Variants in GIP observed in about 807,000 individuals in gnomAD.
GIP encodes gastric inhibitory polypeptide, also known as glucose-dependent insulinotropic polypeptide.
Under a neutral mutation model 18.1 loss-of-function variants are expected in GIP, and 16 were observed. The ratio of observed to expected loss-of-function variants is 0.88; its 90% confidence interval spans 0.60 to 1.34. The LOEUF is 1.34. Among genes scored for constraint, GIP ranks in the 40% most tolerant of loss-of-function variants. The probability of loss-of-function intolerance (pLI) is 0.00; values close to 1 mark genes in which losing one functional copy is unlikely to be tolerated. For synonymous variants in GIP, 76 were observed against 74.0 expected, an observed-to-expected ratio of 1.03 and a Z score of -0.14; for missense variants, 192 against 183.4, an observed-to-expected ratio of 1.05 and a Z score of -0.27.
intron 4 of GIP, 96 bp downstream of exon 4, chr17:48,961,631 G>A: frequency 4.0e-6 from 3 of 746,024 alleles, no homozygotes; most frequent in Non-Finnish European, 4.6e-6. Flanking sequence ...CTTATCTCAG[G>A]TCCTTGCTCT....
intron 4 of GIP, 29 bp downstream of exon 4, chr17:48,961,698 C>G: frequency 4.0e-4 from 542 of 1,367,804 alleles, no homozygotes; most frequent in Non-Finnish European, 5.0e-4. Context: ...AGGCTTGGCT[C>G]CCTCCCTTCC....
chr17:48,961,782 G>T lies in GIP; in HGVS notation c.295C>A (p.Leu99Met), dbSNP rs759345602. The change falls in exon 4 of 6, where the codon CTG becomes ATG. Residue 99 changes from leucine to methionine, a missense_variant. By Grantham distance (15) the Leu-to-Met change is conservative. Transcript: ENST00000357424. ...HNITQREARA[L>M]ELASQANRKE... is the part of the protein sequence containing the mutation. ...CTATTAGCTTGACTGGCCAGCTCCAGCGCCCGAGCCTCCCTCTGGGTGATG... is the reference window on the plus strand; with the variant it reads ...CTATTAGCTTGACTGGCCAGCTCCATCGCCCGAGCCTCCCTCTGGGTGATG... The T allele has an allele frequency of 6.2e-7, 1 of 1,613,072 alleles. No individual in the cohort carries two copies. The highest frequency in any genetic ancestry group is 1.1e-5 in the South Asian group (1 of 91,056).
At chr17:48,966,582 G>T (rs1328883896) in intron 2 of GIP, among the ~76,000 whole-genome samples, 1 of 150,338 alleles carries the variant, frequency 6.7e-6, no homozygotes, top group East Asian at 2.0e-4. Flanking sequence ...AAAAAGAAAA[G>T]AATAGAAAAA....
At chr17:48,966,322 A>G (rs1231491235) in intron 2 of GIP, among the ~76,000 whole-genome samples, 1 of 150,850 alleles carries the variant, frequency 6.6e-6, no homozygotes, top group African/African-American at 2.4e-5. Context: ...TTGGGAGGCC[A>G]AGGTGGATGG....
chr17:48,963,311 G>A (rs931014571), intron 3 of GIP, among the ~76,000 whole-genome samples: 7 of 151,744 alleles, frequency 4.6e-5, no homozygotes, highest in African/African-American at 1.7e-4. Flanking sequence ...GATCACCTGA[G>A]GTCAGGAGTT....
At chr17:48,966,696 G>C (rs1057370102) in intron 2 of GIP, among the ~76,000 whole-genome samples, 14 of 151,936 alleles carry the variant, frequency 9.2e-5, no homozygotes, top group African/African-American at 3.4e-4. Context: ...GGTCCTAGCT[G>C]CTCGGGAGGC....
In GIP at chr17:48,964,340, C is replaced by T; in HGVS notation, c.227G>A (p.Trp76Ter). 1.2e-6 allele frequency: 2 copies of T among 1,613,864 alleles called. No individual in the cohort carries two copies. The highest frequency in any genetic ancestry group is 1.7e-6 in the Non-Finnish European group (2 of 1,179,852). ...CTTCTTCCCCTTTTGGGCCAGCAGC[C>T]AGTTCACAAAGTCTTGTTGGTGAAT... ...DKIHQQDFVN[W>*]LLAQKGKKND... Residue 76 changes from tryptophan (W) to a stop codon, truncating the protein, a stop_gained, in exon 3 of 6, where the codon TGG becomes TAG. Coordinates refer to ENST00000357424, the MANE Select transcript of GIP (RefSeq NM_004123.3). LOFTEE classifies it high-confidence loss of function.
intron 2 of GIP, 21 bp downstream of exon 2, chr17:48,967,126 C>T: frequency 6.4e-7 from 1 of 1,567,852 alleles, no homozygotes; most frequent in Non-Finnish European, 8.8e-7. Context: ...TGCCCCATCC[C>T]TTTCCTCTCA....
chr17:48,963,099 A>G (rs1973405), intron 3 of GIP, among the ~76,000 whole-genome samples: 149,316 of 151,864 alleles, frequency 0.98, 73,466 homozygotes, highest in East Asian at 1. Flanking sequence ...AGAGCAAAAA[A>G]AATCCGTCTC....
rs1314682359 is a variant in GIP, at chr17:48,958,631, T to A, written c.*76A>T. 8.2e-7 allele frequency: 1 copy of A among 1,218,184 alleles called. No homozygotes were observed. The highest frequency in any genetic ancestry group is 1.5e-5 in the African/African-American group (1 of 66,334). The allele number at this position is 1,218,184 out of a possible 1,614,324, so 75.5% of individuals were successfully genotyped here. A position where few individuals can be genotyped will look rare whatever the true frequency, so the allele number is the denominator to read the frequency against. On this transcript the variant is annotated 3_prime_UTR_variant, in exon 6 of 6. Coordinates refer to ENST00000357424, the MANE Select transcript of GIP (RefSeq NM_004123.3). ...TAAACTTTATTGGTTTGGGTTCTCT[T>A]GGCTATTCTGGAGTGGGGCTGAGGC...
intron 5 of GIP, among the ~76,000 whole-genome samples, chr17:48,960,472 G>A (rs1303415301): frequency 6.9e-6 from 1 of 144,806 alleles, no homozygotes; most frequent in Non-Finnish European, 1.5e-5. Flanking sequence ...GGCTCAGCTC[G>A]GTGGGTAGGG....
At chr17:48,964,571 G>T in intron 2 of GIP, 91 bp from the exon 3 acceptor site, 1 of 1,143,568 alleles carries the variant, frequency 8.7e-7, no homozygotes, top group Non-Finnish European at 1.3e-6. Flanking sequence ...GCAGACACTT[G>T]AAAACAAACC....
intron 2 of GIP, among the ~76,000 whole-genome samples, chr17:48,965,066 G>A (rs1315066449): frequency 1.3e-5 from 2 of 150,528 alleles, no homozygotes; most frequent in Non-Finnish European, 2.9e-5. Flanking sequence ...GTGAACCCGG[G>A]AGGCGGAGCT....
At chr17:48,967,709 G>A (rs963554841) in intron 1 of GIP, among the ~76,000 whole-genome samples, 41 of 151,962 alleles carry the variant, frequency 2.7e-4, no homozygotes, top group Admixed American at 7.9e-4. Context: ...GAAGATGAGG[G>A]GTGCTGTGCA....
In GIP at chr17:48,961,730, T is replaced by G; in HGVS notation, c.347A>C (p.Gln116Pro). Residue 116 changes from glutamine to proline, a missense_variant, in exon 4 of 6, where the codon CAG becomes CCG. Coordinates refer to ENST00000357424, the MANE Select transcript of GIP (RefSeq NM_004123.3). ...TTCCCTCTGCGCCCTGACTCACCTCTGTGGCTCCACTGCCTCCTCCTCCTT... is the reference window on the plus strand; with the variant it reads ...TTCCCTCTGCGCCCTGACTCACCTCGGTGGCTCCACTGCCTCCTCCTCCTT... ...NRKEEEAVEP[Q>P]SSPAKNPSDE... 6.2e-7 allele frequency: 1 copy of G among 1,605,938 alleles called. No homozygotes were observed.
At chr17:48,963,230 A>C (rs1335428841) in intron 3 of GIP, among the ~76,000 whole-genome samples, 2 of 151,848 alleles carry the variant, frequency 1.3e-5, no homozygotes, top group African/African-American at 4.8e-5. Flanking sequence ...TGCCTGGTGA[A>C]AGGTGCCACC....
At chr17:48,965,373 G>A (rs1189576640) in intron 2 of GIP, among the ~76,000 whole-genome samples, 2 of 150,124 alleles carry the variant, frequency 1.3e-5, no homozygotes, top group African/African-American at 4.9e-5. Flanking sequence ...GGGAGGCCAA[G>A]GTGGGTGGAT....
Position 48,961,787 on chromosome 17 carries a change from C to A in GIP, c.290G>T (p.Arg97Leu). The change falls in exon 4 of 6, where the codon CGG becomes CTG. Residue 97 changes from arginine (R) to leucine (L), a missense_variant. By Grantham distance (102) the Arg-to-Leu change is moderately radical (BLOSUM62 -2). Transcript: ENST00000357424. Reference sequence around the variant, plus strand: ...AGCTTGACTGGCCAGCTCCAGCGCCCGAGCCTCCCTCTGGGTGATGTTGTG... The same window carrying A: ...AGCTTGACTGGCCAGCTCCAGCGCCAGAGCCTCCCTCTGGGTGATGTTGTG... Reference protein sequence around the residue: ...WKHNITQREARALELASQANR... With the variant: ...WKHNITQREALALELASQANR... 1 of 1,612,972 alleles carries A rather than the reference C, an allele frequency of 6.2e-7. No homozygotes were observed. Among genetic ancestry groups the A allele is most frequent in the Non-Finnish European group, 8.5e-7 (1 of 1,179,728 alleles).
chr17:48,958,679 T>C lies in GIP; in HGVS notation c.*28A>G. 1.3e-6 allele frequency: 2 copies of C among 1,570,030 alleles called. No homozygotes were observed. The highest frequency in any genetic ancestry group is 1.7e-6 in the Non-Finnish European group (2 of 1,154,826). On this transcript the variant is annotated 3_prime_UTR_variant, in exon 6 of 6. Coordinates refer to ENST00000357424, the MANE Select transcript of GIP (RefSeq NM_004123.3). Reference sequence around the variant, plus strand: ...GGCAGGTGCTAAGTGAAGGGCAGAATCCAGTCCTGAGCTGGGTGTGGTCAG... The same window carrying C: ...GGCAGGTGCTAAGTGAAGGGCAGAACCCAGTCCTGAGCTGGGTGTGGTCAG...
Sources: gnomAD v4.1 joint callset for allele counts (sites outside exome capture counted in the v4.1 genomes callset) on GRCh38, gnomAD v4.1.1 for gene constraint, MANE v1.5 for transcripts, NCBI Gene and HGNC (gene_info 2026-07-23, HGNC 2026-07-21) for gene names.